Variants in CSRP2 observed in about 807,000 individuals in gnomAD.
CSRP2 encodes the protein cysteine and glycine-rich protein 2.
A neutral mutation model predicts 24.6 loss-of-function variants in CSRP2; 18 were observed. The observed-to-expected ratio is 0.73, with a 90% CI of 0.51 to 1.09. The LOEUF is 1.09. CSRP2 is among the 50% of genes least tolerant of loss of function. The pLI, the probability that CSRP2 is intolerant of heterozygous loss-of-function variation, is 0.00. For synonymous variants in CSRP2, 87 were observed against 84.3 expected, an observed-to-expected ratio of 1.03 and a Z score of -0.18; for missense variants, 215 against 239.4, an observed-to-expected ratio of 0.90 and a Z score of 0.67.
At chr12:76,876,668 G>A (rs1342058703) in intron 1 of CSRP2, among the ~76,000 whole-genome samples, 1 of 152,178 alleles carries the variant, frequency 6.6e-6, no homozygotes, top group African/African-American at 2.4e-5. Context: ...CAGAACCCAA[G>A]GGATGGCATG....
In CSRP2 at chr12:76,871,498, C is replaced by T. The variant is rs558066681; in HGVS notation, c.-1-5237G>A. ...TAAGAAACAAAGTTCAAGCCGGATG[C>T]GGTGGCTCACGCCTGTAATCCCAGC... On this transcript the variant is annotated intron_variant, in intron 1 of 5. Transcript: ENST00000311083. 9.9e-4 allele frequency among the ~76,000 whole-genome samples: 150 copies of T among 152,268 alleles called. 1 individual carries two copies. In the South Asian group the frequency reaches 0.014, roughly 14 times the overall value.
chr12:76,865,996 C>T (rs1422466983), intron 2 of CSRP2, 153 bp downstream of exon 2: 1 of 625,642 alleles, frequency 1.6e-6, no homozygotes, highest in Admixed American at 2.7e-5. Flanking sequence ...CGCTGCTAGG[C>T]TTGGCATTTA....
Position 76,866,214 on chromosome 12 carries a change from G to A in CSRP2, c.47C>T (p.Thr16Ile), listed in dbSNP as rs1256421895. 1 of 1,614,138 alleles carries A rather than the reference G, an allele frequency of 6.2e-7. No homozygotes were observed. Among genetic ancestry groups the A allele is most frequent in the East Asian group, 2.2e-5 (1 of 44,888 alleles). Residue 16 changes from threonine to isoleucine, a missense_variant, in exon 2 of 6, where the codon ACC (threonine) becomes ATC (isoleucine). Thr to Ile is a moderately conservative substitution (Grantham distance 89). Coordinates refer to ENST00000311083, the MANE Select transcript of CSRP2 (RefSeq NM_001321.3). ...CTGCACCTCTTCTGCGTGGTACACG[G>A]TCCTCCCACAGGCCCCACACTTGTT... ...GGNKCGACGRTVYHAEEVQCD... is the reference protein window; with the variant it reads ...GGNKCGACGRIVYHAEEVQCD...
intron 1 of CSRP2, among the ~76,000 whole-genome samples, chr12:76,874,038 C>T (rs1360908724): frequency 6.6e-6 from 1 of 152,152 alleles, no homozygotes; most frequent in Admixed American, 6.5e-5. Flanking sequence ...GCACAGAGTT[C>T]TACTGAGGTG....
intron 2 of CSRP2, chr12:76,864,158 A>T (rs1190807947): frequency 2.0e-5 from 3 of 152,248 alleles, no homozygotes; most frequent in African/African-American, 7.2e-5. Context: ...AGTTTCATCC[A>T]GACATTATTT....
At position 76,858,967 on chromosome 12, in the gene CSRP2, A is replaced by G. The variant is rs1953647023; in HGVS notation, c.567T>C (p.Leu189=). 1 of 1,614,180 alleles carries G rather than the reference A, an allele frequency of 6.2e-7. No homozygotes were observed. Among genetic ancestry groups the G allele is most frequent in the Non-Finnish European group, 8.5e-7 (1 of 1,179,978 alleles). Residue 189 remains leucine (L), a synonymous_variant, in exon 6 of 6, where the codon CTT becomes CTC. Coordinates refer to ENST00000311083, the MANE Select transcript of CSRP2 (RefSeq NM_001321.3). Reference sequence around the variant, plus strand: ...GGTTTACATCTTACTGGGCATGAACAAGAGCCCCTGCTCCTTGGCCATAGC... The same window carrying G: ...GGTTTACATCTTACTGGGCATGAACGAGAGCCCCTGCTCCTTGGCCATAGC... ...GFGYGQGAGA[L]VHAQ
intron 1 of CSRP2, among the ~76,000 whole-genome samples, chr12:76,868,190 T>C (rs1196453696): frequency 6.6e-6 from 1 of 152,178 alleles, no homozygotes; most frequent in African/African-American, 2.4e-5. Context: ...CCACAAAAAC[T>C]AAGAGAAGAT....
At chr12:76,870,955 A>G (rs2137833753) in intron 1 of CSRP2, among the ~76,000 whole-genome samples, 1 of 143,434 alleles carries the variant, frequency 7.0e-6, no homozygotes, top group African/African-American at 2.6e-5. Flanking sequence ...CCTGGGCAAC[A>G]GAGCAAGATG....
chr12:76,874,275 C>A lies in CSRP2; in HGVS notation c.-2+4663G>T, dbSNP rs187054551. ...ATTAATTATTTTTGCCATGGAAATA[C>A]CGCAGTACACATGCCACCTTTTAGA... On this transcript the variant is annotated intron_variant, in intron 1 of 5. Transcript: ENST00000311083. Among the ~76,000 whole-genome samples, 266 of 152,350 alleles carry A rather than the reference C, an allele frequency of 1.7e-3. 1 individual carries two copies. The highest frequency in any genetic ancestry group is 5.9e-3 in the African/African-American group (245 of 41,572).
chr12:76,862,917 C>T (rs1178915737), intron 3 of CSRP2: 7 of 1,518,444 alleles, frequency 4.6e-6, no homozygotes, highest in Non-Finnish European at 6.1e-6. Flanking sequence ...AAATACAAAT[C>T]ACTTGCTTTT....
chr12:76,862,697 T>C (rs2047226), intron 3 of CSRP2: 714,282 of 1,209,692 alleles, frequency 0.59, 209,913 homozygotes, highest in East Asian at 0.71. Context: ...GAATCAAAAA[T>C]AAGAAGTAAT....
chr12:76,878,578 G>C (rs1953875128), intron 1 of CSRP2, among the ~76,000 whole-genome samples: 2 of 152,238 alleles, frequency 1.3e-5, no homozygotes, highest in Admixed American at 1.3e-4. Flanking sequence ...CGGCTGCTAA[G>C]AGGCGGATTA....
At chr12:76,860,221 G>A (rs1402321869) in intron 4 of CSRP2, 63 bp downstream of exon 4, 2 of 1,575,262 alleles carry the variant, frequency 1.3e-6, no homozygotes, top group African/African-American at 2.7e-5. Context: ...ATGTGGAAGG[G>A]TTAGGGGAGA....
At chr12:76,869,109 G>T (rs1953765573) in intron 1 of CSRP2, among the ~76,000 whole-genome samples, 2 of 152,064 alleles carry the variant, frequency 1.3e-5, no homozygotes, top group Admixed American at 1.3e-4. Context: ...AGGTATGGCA[G>T]GTTTAGTGTC....
At chr12:76,866,499 GA>G (rs542590119) in intron 1 of CSRP2, among the ~76,000 whole-genome samples, 3 of 151,638 alleles carry the variant, frequency 2.0e-5, no homozygotes, top group Non-Finnish European at 4.4e-5. Flanking sequence ...CCAGACAAAG[GA>G]CCTGCATTCA....
At chr12:76,864,293 A>G (rs1001338566) in intron 2 of CSRP2, 1 of 152,236 alleles carries the variant, frequency 6.6e-6, no homozygotes, top group African/African-American at 2.4e-5. Context: ...AGACAATTGT[A>G]TGATGATTCA....
At chr12:76,877,978 C>A (rs1194323635) in intron 1 of CSRP2, among the ~76,000 whole-genome samples, 46 of 109,744 alleles carry the variant, frequency 4.2e-4, no homozygotes, top group Admixed American at 1.2e-3. Context: ...CCCCACCCCC[C>A]AAAAAAAATT....
rs1365435274 is a variant in CSRP2, at chr12:76,858,956, T to G, written c.578A>C (p.Gln193Pro). The change falls in exon 6 of 6, where the codon CAG becomes CCG. Residue 193 changes from glutamine (Q) to proline (P), a missense_variant. Gln to Pro is a moderately conservative substitution (Grantham distance 76, BLOSUM62 -1). Coordinates refer to ENST00000311083, the MANE Select transcript of CSRP2 (RefSeq NM_001321.3). The stretch of plus-strand genomic sequence containing the variant: ...GTTTAGTTCAGGGTTTACATCTTAC[T>G]GGGCATGAACAAGAGCCCCTGCTCC... ...GQGAGALVHAQ is the reference protein window; with the variant it reads ...GQGAGALVHAP 4 of 1,613,808 alleles carry G rather than the reference T, an allele frequency of 2.5e-6. No homozygotes were observed. Among genetic ancestry groups the G allele is most frequent in the African/African-American group, 1.3e-5 (1 of 74,946 alleles).
rs1305661886 is a variant in CSRP2, at chr12:76,863,115, A to T, written c.281+61T>A. Reference sequence around the variant, plus strand: ...TCTGGAGACTGCCAGGTTCCTGTTCAGCAAGCGGCACTAACTGTCGCAACT... The same window carrying T: ...TCTGGAGACTGCCAGGTTCCTGTTCTGCAAGCGGCACTAACTGTCGCAACT... On this transcript the variant is annotated intron_variant, in intron 3 of 5. Transcript: ENST00000311083. The T allele has an allele frequency of 2.6e-6, 4 of 1,540,104 alleles. No individual in the cohort carries two copies. In the Admixed American group the frequency reaches 8.1e-5, roughly 31 times the overall value.
Sources: gnomAD v4.1 joint callset for allele counts (sites outside exome capture counted in the v4.1 genomes callset) on GRCh38, gnomAD v4.1.1 for gene constraint, MANE v1.5 for transcripts, NCBI Gene and HGNC (gene_info 2026-07-23, HGNC 2026-07-21) for gene names.